DENND1B: variants seen among roughly 807,000 people sequenced by gnomAD.
DENND1B encodes DENN domain containing 1B.
In DENND1B, 59 loss-of-function variants were observed where a neutral mutation model predicts 90.1. The ratio of observed to expected loss-of-function variants is 0.65; its 90% CI spans 0.53 to 0.81. DENND1B has a LOEUF of 0.81. DENND1B is among the 40% of genes least tolerant of loss of function. The pLI, the probability that DENND1B is intolerant of heterozygous loss-of-function variation, is 0.00. For synonymous variants in DENND1B, 337 were observed against 324.6 expected, an observed-to-expected ratio of 1.04 and a Z score of -0.41; for missense variants, 862 against 912.6, an observed-to-expected ratio of 0.94 and a Z score of 0.71.
chr1:197,729,989 A>G (rs1271882084), intron 2 of DENND1B, among the ~76,000 whole-genome samples: 2 of 152,096 alleles, frequency 1.3e-5, no homozygotes, highest in Admixed American at 1.3e-4. Context: ...TACTACGAAA[A>G]AAGTTCTGAC....
intron 2 of DENND1B, among the ~76,000 whole-genome samples, chr1:197,766,598 A>C (rs984862280): frequency 6.6e-6 from 1 of 152,196 alleles, no homozygotes; most frequent in Non-Finnish European, 1.5e-5. Context: ...TAAGCACTGA[A>C]TGAAAAGAGT....
chr1:197,551,813 T>C (rs1030613881), intron 16 of DENND1B, among the ~76,000 whole-genome samples: 6 of 152,174 alleles, frequency 3.9e-5, no homozygotes, highest in Non-Finnish European at 2.9e-5. Flanking sequence ...AAAAAAGTGT[T>C]ATTTTAACAC....
At chr1:197,599,613 T>TA (rs1363604628) in intron 13 of DENND1B, among the ~76,000 whole-genome samples, 3 of 151,830 alleles carry the variant, frequency 2.0e-5, no homozygotes, top group Non-Finnish European at 4.4e-5. Flanking sequence ...GTTATAGTTA[T>TA]CACATGAATT....
At chr1:197,598,070 T>C (rs1675869814) in intron 13 of DENND1B, among the ~76,000 whole-genome samples, 1 of 151,900 alleles carries the variant, frequency 6.6e-6, no homozygotes, top group South Asian at 2.1e-4. Flanking sequence ...CACATTTTAT[T>C]TTGGACAATG....
At chr1:197,548,683 T>C (rs1318345123) in intron 16 of DENND1B, among the ~76,000 whole-genome samples, 1 of 152,052 alleles carries the variant, frequency 6.6e-6, no homozygotes, top group Non-Finnish European at 1.5e-5. Flanking sequence ...AAACTCCCTC[T>C]AAGACTGCTA....
At chr1:197,733,283 T>C (rs1019232399) in intron 2 of DENND1B, among the ~76,000 whole-genome samples, 2 of 152,092 alleles carry the variant, frequency 1.3e-5, no homozygotes, top group African/African-American at 2.4e-5. Context: ...CAAAAAAAAA[T>C]TAGAAATATG....
At chr1:197,776,775 G>A (rs1657290466), upstream of DENND1B, among the ~76,000 whole-genome samples, 1 of 151,814 alleles carries the variant, frequency 6.6e-6, no homozygotes. Flanking sequence ...ATAGCCATGG[G>A]CCTGTTAGTA....
chr1:197,752,154 T>C (rs1219384960), intron 2 of DENND1B, among the ~76,000 whole-genome samples: 1 of 151,374 alleles, frequency 6.6e-6, no homozygotes, highest in African/African-American at 2.4e-5. Context: ...ACAAGACTAA[T>C]AAAAAAAGAG....
chr1:197,639,780 G>C (rs1219419698), intron 10 of DENND1B, among the ~76,000 whole-genome samples: 4 of 151,940 alleles, frequency 2.6e-5, no homozygotes, highest in Non-Finnish European at 5.9e-5. Flanking sequence ...GTTAAGAAAT[G>C]AGTCCTTGAC....
At position 197,504,940 on chromosome 1, in the gene DENND1B, T is replaced by A. The variant is rs1667660823; in HGVS notation, c.*5520A>T. The A allele has an allele frequency of 6.6e-6, 1 of 151,844 alleles. No individual in the cohort carries two copies. The highest frequency in any genetic ancestry group is 1.5e-5 in the Non-Finnish European group (1 of 67,844). 9.4% of individuals were successfully genotyped at this position (151,844 alleles called of 1,614,324 possible). A position where few individuals can be genotyped will look rare whatever the true frequency, so the allele number is the denominator to read the frequency against. ...CCTCAAGGATGCAAGAACAATGAAG[T>A]AAAATCACAATTCTGGGTAGGTTTT... is the stretch of plus-strand genomic sequence containing the variant. On this transcript the variant is annotated 3_prime_UTR_variant, in exon 23 of 23. Coordinates refer to ENST00000620048, the MANE Select transcript of DENND1B (RefSeq NM_001195215.2).
chr1:197,731,595 T>C (rs1028123589), intron 2 of DENND1B, among the ~76,000 whole-genome samples: 28 of 152,334 alleles, frequency 1.8e-4, no homozygotes, highest in African/African-American at 6.7e-4. Context: ...TGCATTGTCA[T>C]TCACTCATTA....
intron 20 of DENND1B, among the ~76,000 whole-genome samples, chr1:197,513,286 C>G (rs776731003): frequency 3.3e-5 from 5 of 151,490 alleles, no homozygotes; most frequent in Non-Finnish European, 7.4e-5. Flanking sequence ...CCTCATGCAC[C>G]CATCACACAG....
intron 2 of DENND1B, among the ~76,000 whole-genome samples, chr1:197,759,468 C>A (rs1654735332): frequency 6.7e-6 from 1 of 150,052 alleles, no homozygotes; most frequent in African/African-American, 2.4e-5. Flanking sequence ...TGAAACAAGG[C>A]AAAAATACAA....
chr1:197,655,328 C>T (rs1010752439), intron 6 of DENND1B, among the ~76,000 whole-genome samples: 3 of 152,138 alleles, frequency 2.0e-5, no homozygotes, highest in Non-Finnish European at 4.4e-5. Flanking sequence ...GACTCAATAT[C>T]TATTTGCTAT....
intron 3 of DENND1B, among the ~76,000 whole-genome samples, chr1:197,702,166 T>C (rs1054999809): frequency 6.6e-6 from 1 of 152,136 alleles, no homozygotes; most frequent in Admixed American, 6.5e-5. Context: ...AAATAGGAAG[T>C]TGAACTTCTA....
intron 20 of DENND1B, among the ~76,000 whole-genome samples, chr1:197,535,474 A>C (rs1193771056): frequency 1.3e-5 from 2 of 152,206 alleles, no homozygotes; most frequent in African/African-American, 4.8e-5. Context: ...GATTAACAAC[A>C]ATAACTGATA....
intron 20 of DENND1B, among the ~76,000 whole-genome samples, chr1:197,534,313 G>A (rs1052292637): frequency 2.6e-5 from 4 of 152,280 alleles, no homozygotes; most frequent in Non-Finnish European, 5.9e-5. Context: ...GTCTTTGAGA[G>A]AGGTATTAAT....
intron 10 of DENND1B, among the ~76,000 whole-genome samples, chr1:197,636,566 C>T (rs941456239): frequency 2.0e-5 from 3 of 152,000 alleles, no homozygotes; most frequent in Admixed American, 1.3e-4. Context: ...ATCTGTCTAC[C>T]GTGGATAACA....
Position 197,510,373 on chromosome 1 carries a change from T to G in DENND1B, c.*87A>C. ...AATGCAAAAAAAAATTTAAATAGTA[T>G]GAGTTGCCATTCCTACAAATAATTC... On this transcript the variant is annotated 3_prime_UTR_variant, in exon 23 of 23. Coordinates refer to ENST00000620048, the MANE Select transcript of DENND1B (RefSeq NM_001195215.2). 5.7e-6 allele frequency: 8 copies of G among 1,408,606 alleles called. No individual in the cohort carries two copies. Among genetic ancestry groups the G allele is most frequent in the Non-Finnish European group, 7.5e-6 (8 of 1,059,828 alleles). 87.3% of individuals were successfully genotyped at this position (1,408,606 alleles called of 1,614,324 possible).
Sources: gnomAD v4.1 joint callset for allele counts (sites outside exome capture counted in the v4.1 genomes callset) on GRCh38, gnomAD v4.1.1 for gene constraint, MANE v1.5 for transcripts, NCBI Gene and HGNC (gene_info 2026-07-23, HGNC 2026-07-21) for gene names.